Variants in MPP7 observed in about 807,000 individuals in gnomAD.
MPP7 encodes MAGUK p55 scaffold protein 7, also known as MAGUK p55 subfamily member 7.
Under a neutral mutation model 76.5 loss-of-function variants are expected in MPP7, and 60 were observed. The ratio of observed to expected loss-of-function variants is 0.78; its 90% confidence interval spans 0.64 to 0.97. The LOEUF is 0.97. MPP7 is among the 50% of genes least tolerant of loss of function. MPP7 has a pLI of 0.00. For missense variants in MPP7, 641 were observed against 694.0 expected (o/e 0.92, Z 0.86); for synonymous variants, 237 against 244.5 (o/e 0.97, Z 0.29).
At chr10:28,253,982 A>G (rs542817058) in intron 1 of MPP7, among the ~76,000 whole-genome samples, 4 of 133,238 alleles carry the variant, frequency 3.0e-5, no homozygotes, top group Admixed American at 8.2e-5. Context: ...GGATACAGAG[A>G]GAGAGTCTGT....
At chr10:28,111,542 TAAAAG>T (rs920963427) in intron 11 of MPP7, among the ~76,000 whole-genome samples, 2 of 152,080 alleles carry the variant, frequency 1.3e-5, no homozygotes, top group African/African-American at 2.4e-5. Context: ...GTTCAACACT[TAAAAG>T]AAATTTCTCG....
chr10:28,230,167 G>A (rs1266681280), intron 2 of MPP7, among the ~76,000 whole-genome samples: 1 of 152,082 alleles, frequency 6.6e-6, no homozygotes, highest in Non-Finnish European at 1.5e-5. Context: ...GGGGAAAAAT[G>A]AAAATGATAG....
intron 1 of MPP7, among the ~76,000 whole-genome samples, chr10:28,278,829 GAAAA>G (rs796411250): frequency 8.3e-6 from 1 of 121,212 alleles, no homozygotes; most frequent in Non-Finnish European, 1.8e-5. Context: ...TTTTTAATCT[GAAAA>G]AAAAAAAACA....
At chr10:28,206,073 A>G (rs79199364) in intron 2 of MPP7, among the ~76,000 whole-genome samples, 2,479 of 152,238 alleles carry the variant, frequency 0.016, 32 homozygotes, top group South Asian at 0.03. Flanking sequence ...CTGTGAGCCA[A>G]TAAAATTCTG....
chr10:28,230,897 T>G (rs889159272), intron 2 of MPP7, among the ~76,000 whole-genome samples: 4 of 152,150 alleles, frequency 2.6e-5, no homozygotes, highest in African/African-American at 9.7e-5. Flanking sequence ...TTTTTAAAAA[T>G]ACTTCTCTTG....
chr10:28,149,841 T>A, intron 4 of MPP7, 141 bp downstream of exon 4: 1 of 533,460 alleles, frequency 1.9e-6, no homozygotes. Flanking sequence ...AGCTCAGTGA[T>A]GACAGGACTT....
At chr10:28,224,051 C>T (rs997999234) in intron 2 of MPP7, among the ~76,000 whole-genome samples, 2 of 151,430 alleles carry the variant, frequency 1.3e-5, no homozygotes, top group African/African-American at 2.4e-5. Flanking sequence ...CAAAAATTAG[C>T]GTACACGCCT....
At chr10:28,311,909 G>A (rs1163945088) in intron 2 of MPP7, among the ~76,000 whole-genome samples, 1 of 151,734 alleles carries the variant, frequency 6.6e-6, no homozygotes, top group Non-Finnish European at 1.5e-5. Flanking sequence ...TTTGAAGTTG[G>A]GATTATAAAA....
chr10:28,171,327 G>C (rs1162706270), intron 3 of MPP7, among the ~76,000 whole-genome samples: 2 of 152,164 alleles, frequency 1.3e-5, no homozygotes, highest in Non-Finnish European at 2.9e-5. Flanking sequence ...CCAGAAGAGG[G>C]AAAGTAAAGA....
intron 3 of MPP7, among the ~76,000 whole-genome samples, chr10:28,177,632 T>C (rs766693617): frequency 3.9e-5 from 6 of 152,236 alleles, no homozygotes; most frequent in Non-Finnish European, 8.8e-5. Context: ...AAATTATGAT[T>C]ACAAAGTTTA....
chr10:28,185,009 A>C lies in MPP7; in HGVS notation c.156+17144T>G, dbSNP rs570993854. On this transcript the variant is annotated intron_variant, in intron 3 of 16. Coordinates refer to ENST00000683449, the MANE Select transcript of MPP7 (RefSeq NM_001318170.2). ...ATTGATATATTAATATGTAATTATT[A>C]TATCATATATAGTATTTATAATCAT... Among the ~76,000 whole-genome samples, 36 of 147,562 alleles carry C rather than the reference A, an allele frequency of 2.4e-4. No homozygotes were observed. The South Asian group carries it at 7.1e-3, about 29-fold the overall frequency.
At chr10:28,069,896 A>G (rs1463748880) in intron 12 of MPP7, 44 bp from the exon 13 acceptor site, 1 of 1,437,342 alleles carries the variant, frequency 7.0e-7, no homozygotes, top group East Asian at 2.3e-5. Context: ...ACAAAACACC[A>G]CATAAACATT....
chr10:28,147,558 G>A lies in MPP7; in HGVS notation c.240C>T (p.Ala80=), dbSNP rs762298417. Residue 80 remains alanine, a synonymous_variant, in exon 5 of 17, where the codon GCC becomes GCT. Transcript: ENST00000683449. ...TTAATGGCTTGTTCTGAAGCTCTTC[G>A]GCCAGCTGCAACGGAGATTACATTG... The part of the protein sequence containing the change: ...HGAAALADDL[A]EELQNKPLNS... The A allele has an allele frequency of 4.3e-6, 7 of 1,613,778 alleles. No homozygotes were observed. Among genetic ancestry groups the A allele is most frequent in the South Asian group, 3.3e-5 (3 of 91,056 alleles).
intron 3 of MPP7, among the ~76,000 whole-genome samples, chr10:28,188,310 CTT>C (rs1360188545): frequency 1.3e-5 from 2 of 152,036 alleles, no homozygotes; most frequent in South Asian, 2.1e-4. Context: ...AAAAATTACT[CTT>C]GATATTAAAT....
intron 16 of MPP7, among the ~76,000 whole-genome samples, chr10:28,054,664 G>A (rs1252888897): frequency 6.6e-6 from 1 of 152,156 alleles, no homozygotes; most frequent in East Asian, 1.9e-4. Flanking sequence ...TTTGTAAAAG[G>A]ATGATTACCA....
intron 2 of MPP7, among the ~76,000 whole-genome samples, chr10:28,328,184 A>G (rs1281100935): frequency 6.6e-6 from 1 of 152,248 alleles, no homozygotes; most frequent in Non-Finnish European, 1.5e-5. Flanking sequence ...AGAAAAAAAT[A>G]AAAATCTAAT....
intron 1 of MPP7, among the ~76,000 whole-genome samples, chr10:28,298,556 T>C (rs2368306): frequency 0.1 from 15,703 of 152,210 alleles, 1,279 homozygotes; most frequent in East Asian, 0.41. Flanking sequence ...GCTCCATTTA[T>C]AGAGCACAGG....
chr10:28,254,188 C>T (rs1277556227), intron 1 of MPP7, among the ~76,000 whole-genome samples: 1 of 151,986 alleles, frequency 6.6e-6, no homozygotes, highest in Non-Finnish European at 1.5e-5. Context: ...CACAAACTAG[C>T]CAAGATTACT....
intron 2 of MPP7, among the ~76,000 whole-genome samples, chr10:28,319,131 G>A (rs556044518): frequency 6.6e-6 from 1 of 152,284 alleles, no homozygotes; most frequent in African/African-American, 2.4e-5. Flanking sequence ...CATGGCAGAG[G>A]GTGAAGGGGA....
Sources: gnomAD v4.1 joint callset for allele counts (sites outside exome capture counted in the v4.1 genomes callset) on GRCh38, gnomAD v4.1.1 for gene constraint, MANE v1.5 for transcripts, NCBI Gene and HGNC (gene_info 2026-07-23, HGNC 2026-07-21) for gene names.